RHOT1: variants seen among roughly 807,000 people sequenced by gnomAD.
RHOT1 encodes the protein mitochondrial Rho GTPase 1.
RHOT1 carries 27 observed loss-of-function variants against 95.3 expected under a neutral mutation model. That is an observed-to-expected ratio of 0.28 (90% CI 0.21 to 0.39). The LOEUF (loss-of-function observed/expected upper bound fraction) is 0.39. Among genes scored for constraint, RHOT1 ranks in the 10% least tolerant of loss-of-function variants. The probability of loss-of-function intolerance (pLI) is 1.00; values close to 1 mark genes in which losing one functional copy is unlikely to be tolerated. For missense variants in RHOT1, 578 were observed against 786.7 expected (o/e 0.73, Z 3.17); for synonymous variants, 227 against 263.5 (o/e 0.86, Z 1.34).
chr17:32,176,272 TACAAGAAGTAGTACA>T, intron 6 of RHOT1, 59 bp downstream of exon 6: 1 of 1,335,840 alleles, frequency 7.5e-7, no homozygotes, highest in Non-Finnish European at 1.1e-6. Context: ...GCAGAAAAGG[TACAAGAAGTAGTACA>T]TTGAACTTCC....
intron 8 of RHOT1, among the ~76,000 whole-genome samples, chr17:32,189,178 A>G (rs1311028903): frequency 2.6e-5 from 4 of 152,194 alleles, no homozygotes; most frequent in African/African-American, 9.6e-5. Context: ...GGGCACCTGT[A>G]GCCCTAGCTA....
intron 1 of RHOT1, among the ~76,000 whole-genome samples, chr17:32,149,609 A>G (rs1345740831): frequency 0.011 from 874 of 76,920 alleles, 35 homozygotes; most frequent in African/African-American, 0.075. Flanking sequence ...ATATATATAT[A>G]TATATATATA....
At chr17:32,217,740 C>G (rs1598471998) in intron 19 of RHOT1, among the ~76,000 whole-genome samples, 1 of 143,758 alleles carries the variant, frequency 7.0e-6, no homozygotes, top group Admixed American at 7.1e-5. Flanking sequence ...GGTGACAGAC[C>G]AAGACTCCAT....
At chr17:32,146,633 T>G (rs895345384) in intron 1 of RHOT1, among the ~76,000 whole-genome samples, 1 of 143,226 alleles carries the variant, frequency 7.0e-6, no homozygotes, top group Admixed American at 7.0e-5. Context: ...TTTTTTTTTG[T>G]ATTTTTAGTA....
At chr17:32,208,887 C>T (rs1338609371) in intron 18 of RHOT1, 3 of 155,256 alleles carry the variant, frequency 1.9e-5, no homozygotes, top group Non-Finnish European at 4.3e-5. Context: ...TGCATATGCA[C>T]AAGCACATAA....
At position 32,208,135 on chromosome 17, in the gene RHOT1, G is replaced by A; in HGVS notation, c.1565G>A (p.Cys522Tyr). 6.2e-7 allele frequency: 1 copy of A among 1,613,972 alleles called. No homozygotes were observed. Among genetic ancestry groups the A allele is most frequent in the Non-Finnish European group, 8.5e-7 (1 of 1,179,930 alleles). Residue 522 changes from cysteine to tyrosine, a missense_variant, in exon 18 of 20, where the codon TGC (cysteine) becomes TAC (tyrosine). Physicochemically the swap from Cys to Tyr is radical, Grantham distance 194. Coordinates refer to ENST00000545287, the MANE Select transcript of RHOT1 (RefSeq NM_001033566.3). ...CACTTTATGGACAGCAGAATACCTT[G>A]CTTAATCGTAGCTGCAAAGTCAGAC... ...KQHFMDSRIPCLIVAAKSDLH... is the reference protein window; with the variant it reads ...KQHFMDSRIPYLIVAAKSDLH...
At chr17:32,155,467 A>ATTTTC (rs1486022593) in intron 1 of RHOT1, among the ~76,000 whole-genome samples, 1 of 140,424 alleles carries the variant, frequency 7.1e-6, no homozygotes, top group Non-Finnish European at 1.6e-5. Context: ...GCCTAAATGC[A>ATTTTC]TTTTCTTTTC....
chr17:32,184,923 G>C (rs1260734537), intron 8 of RHOT1, among the ~76,000 whole-genome samples: 1 of 150,530 alleles, frequency 6.6e-6, no homozygotes, highest in South Asian at 2.1e-4. Flanking sequence ...TTGAACACTT[G>C]TTTGCTTTTT....
intron 10 of RHOT1, among the ~76,000 whole-genome samples, chr17:32,193,733 A>C (rs899516443): frequency 9.9e-5 from 15 of 152,240 alleles, no homozygotes; most frequent in African/African-American, 2.9e-4. Flanking sequence ...AACTTTGTGC[A>C]TGTCAGTATA....
chr17:32,204,095 TA>T, intron 16 of RHOT1, 122 bp downstream of exon 16: 1 of 695,452 alleles, frequency 1.4e-6, no homozygotes, highest in Non-Finnish European at 2.3e-6. Flanking sequence ...ATTTTTTTTT[TA>T]TTTAATTTTT....
intron 1 of RHOT1, among the ~76,000 whole-genome samples, chr17:32,165,198 A>G (rs8070765): frequency 0.045 from 6,883 of 151,844 alleles, 525 homozygotes; most frequent in African/African-American, 0.16. Flanking sequence ...TTAGCTGGGC[A>G]CGGTGGCAGG....
At chr17:32,176,547 TTTATTTA>T (rs1567679552) in intron 6 of RHOT1, among the ~76,000 whole-genome samples, 3 of 101,812 alleles carry the variant, frequency 2.9e-5, no homozygotes, top group African/African-American at 1.3e-4. Flanking sequence ...CTCAGTTTTA[TTTATTTA>T]TTTATTTATT....
chr17:32,161,183 C>T (rs2033514395), intron 1 of RHOT1, among the ~76,000 whole-genome samples: 1 of 152,102 alleles, frequency 6.6e-6, no homozygotes, highest in African/African-American at 2.4e-5. Context: ...TTGGGTTTTT[C>T]AAGGATAGTT....
intron 7 of RHOT1, 62 bp from the exon 8 acceptor site, chr17:32,183,109 A>T: frequency 7.4e-7 from 1 of 1,345,890 alleles, no homozygotes; most frequent in South Asian, 1.3e-5. Flanking sequence ...TTATGTTGAT[A>T]ATTTGAAAAT....
rs1459565324 is a variant in RHOT1 at position 32,194,852 on chromosome 17, G to A, written c.869+745G>A. ...TCTTTTTTTTTTTTTTTTTTCAGAC[G>A]GAGTCTCGCTCTGTCACCCAGGCTG... On this transcript the variant is annotated intron_variant, in intron 11 of 19. Coordinates refer to ENST00000545287, the MANE Select transcript of RHOT1 (RefSeq NM_001033566.3). 1.1e-4 allele frequency among the ~76,000 whole-genome samples: 15 copies of A among 140,356 alleles called. 1 individual carries two copies. Among genetic ancestry groups the A allele is most frequent in the South Asian group, 4.5e-4 (2 of 4,450 alleles). 92.1% of individuals were successfully genotyped at this position (140,356 alleles called of 152,430 possible).
intron 11 of RHOT1, among the ~76,000 whole-genome samples, chr17:32,197,460 T>C (rs1040562531): frequency 2.0e-5 from 3 of 152,006 alleles, no homozygotes; most frequent in Admixed American, 6.5e-5. Flanking sequence ...AGTCTCGCTC[T>C]GTCGCCCAGG....
chr17:32,195,689 C>A (rs573998021), intron 11 of RHOT1, among the ~76,000 whole-genome samples: 1 of 152,198 alleles, frequency 6.6e-6, no homozygotes. Context: ...TTGCTTTTTA[C>A]TTCTCCGTTA....
intron 1 of RHOT1, among the ~76,000 whole-genome samples, chr17:32,149,813 A>T (rs896067115): frequency 1.3e-5 from 2 of 151,592 alleles, no homozygotes; most frequent in Admixed American, 1.3e-4. Context: ...CAGTGGCATG[A>T]TCTCGGCTCA....
intron 8 of RHOT1, among the ~76,000 whole-genome samples, chr17:32,185,580 T>G (rs1760051513): frequency 6.6e-6 from 1 of 151,604 alleles, no homozygotes; most frequent in Admixed American, 6.6e-5. Context: ...CTAATTTTTG[T>G]ATTTTTAGTA....
Sources: gnomAD v4.1 joint callset for allele counts (sites outside exome capture counted in the v4.1 genomes callset) on GRCh38, gnomAD v4.1.1 for gene constraint, MANE v1.5 for transcripts, NCBI Gene and HGNC (gene_info 2026-07-23, HGNC 2026-07-21) for gene names.